Variants in OSBPL10 observed in about 807,000 individuals in gnomAD.
OSBPL10 encodes the protein oxysterol binding protein like 10.
OSBPL10 carries 49 observed loss-of-function variants against 81.7 expected under a neutral mutation model. The observed-to-expected ratio is 0.60, with a 90% CI of 0.48 to 0.76. OSBPL10 has a LOEUF of 0.76. OSBPL10 is among the 30% of genes least tolerant of loss of function. OSBPL10 has a pLI of 0.00. For missense variants in OSBPL10, 923 were observed against 987.8 expected, an observed-to-expected ratio of 0.93 and a Z score of 0.88; for synonymous variants, 419 against 383.6, an observed-to-expected ratio of 1.09 and a Z score of -1.08.
intron 4 of OSBPL10, among the ~76,000 whole-genome samples, chr3:31,826,465 A>C (rs1700102534): frequency 1.3e-5 from 2 of 152,290 alleles, no homozygotes; most frequent in South Asian, 4.2e-4. Flanking sequence ...ATAACCATTT[A>C]ATCTTTCAAA....
At chr3:31,731,883 A>G (rs1452026216) in intron 6 of OSBPL10, among the ~76,000 whole-genome samples, 1 of 152,198 alleles carries the variant, frequency 6.6e-6, no homozygotes, top group Admixed American at 6.5e-5. Context: ...TGTGTAAAAA[A>G]CAACAGACCT....
At chr3:31,701,545 A>C (rs1201641793) in intron 7 of OSBPL10, 1 of 152,200 alleles carries the variant, frequency 6.6e-6, no homozygotes, top group Admixed American at 6.5e-5. Flanking sequence ...CGTGCCAGGA[A>C]GGCTCCCAAC....
intron 1 of OSBPL10, among the ~76,000 whole-genome samples, chr3:31,925,203 G>T (rs1320634011): frequency 1.3e-5 from 2 of 152,068 alleles, no homozygotes; most frequent in Non-Finnish European, 2.9e-5. Context: ...CATTTTCTCT[G>T]TCTCTCTCTT....
At chr3:31,705,140 C>A (rs1435497259) in intron 6 of OSBPL10, among the ~76,000 whole-genome samples, 1 of 152,192 alleles carries the variant, frequency 6.6e-6, no homozygotes, top group African/African-American at 2.4e-5. Context: ...TGGCACAAAT[C>A]CTGAGCAAGC....
chr3:31,731,186 G>A (rs1363757493), intron 6 of OSBPL10, among the ~76,000 whole-genome samples: 3 of 152,106 alleles, frequency 2.0e-5, no homozygotes. Flanking sequence ...TAGCTGTTTG[G>A]GTTTTGAGAA....
intron 4 of OSBPL10, among the ~76,000 whole-genome samples, chr3:31,764,949 C>T (rs1477064205): frequency 6.6e-6 from 1 of 152,178 alleles, no homozygotes; most frequent in East Asian, 1.9e-4. Flanking sequence ...AGCCTTCCAT[C>T]ATCCTCCCAA....
chr3:31,873,889 CA>C (rs1701389774), intron 3 of OSBPL10, among the ~76,000 whole-genome samples: 3 of 152,164 alleles, frequency 2.0e-5, no homozygotes, highest in Admixed American at 2.0e-4. Flanking sequence ...AAGGTCTGTT[CA>C]CAGTGTTAAA....
intron 1 of OSBPL10, among the ~76,000 whole-genome samples, chr3:31,910,990 C>T (rs575289545): frequency 6.6e-6 from 1 of 152,258 alleles, no homozygotes; most frequent in East Asian, 1.9e-4. Flanking sequence ...TGGGCTGTTG[C>T]TTTGATTCTT....
At chr3:31,723,566 ACACACC>A (rs1350688958) in intron 6 of OSBPL10, among the ~76,000 whole-genome samples, 2 of 151,746 alleles carry the variant, frequency 1.3e-5, no homozygotes, top group African/African-American at 4.9e-5. Flanking sequence ...ACACACACAC[ACACACC>A]CCTTTCCCTC....
intron 1 of OSBPL10, among the ~76,000 whole-genome samples, chr3:31,912,803 G>A (rs1368692854): frequency 6.6e-6 from 1 of 152,154 alleles, no homozygotes; most frequent in Non-Finnish European, 1.5e-5. Flanking sequence ...CAGGCATGAT[G>A]GATGGAGCTC....
chr3:31,860,869 G>T (rs867374115), intron 3 of OSBPL10, among the ~76,000 whole-genome samples: 5 of 128,906 alleles, frequency 3.9e-5, no homozygotes, highest in African/African-American at 4.3e-5. Flanking sequence ...TTTTTTTTTT[G>T]GGTTTTTTTT....
chr3:32,070,587 C>T (rs1699821918), intron 1 of OSBPL10, among the ~76,000 whole-genome samples: 1 of 152,198 alleles, frequency 6.6e-6, no homozygotes, highest in African/African-American at 2.4e-5. Flanking sequence ...CTACAACAGG[C>T]TTTAAGGGGA....
At chr3:31,697,522 AAAG>A (rs551790576) in intron 7 of OSBPL10, among the ~76,000 whole-genome samples, 112 of 152,364 alleles carry the variant, frequency 7.4e-4, no homozygotes, top group African/African-American at 2.5e-3. Context: ...GCCAGAAATA[AAAG>A]AATAAAACAA....
At chr3:31,947,452 T>C (rs1443339884) in intron 1 of OSBPL10, among the ~76,000 whole-genome samples, 2 of 152,210 alleles carry the variant, frequency 1.3e-5, no homozygotes, top group Non-Finnish European at 2.9e-5. Context: ...CTTTGTCCTC[T>C]GCCTGCCTAT....
rs145097507 is a variant in OSBPL10 at position 31,740,857 on chromosome 3, T to TTATATATATA, written c.940+7043_940+7052dup. On this transcript the variant is annotated intron_variant, in intron 5 of 11. Coordinates refer to ENST00000396556, the MANE Select transcript of OSBPL10 (RefSeq NM_017784.5). ...AACTTAATATGACCACTACTAGAAT[T>TTATATATATA]TATATATATATGTCATATTTCTTCC... Among the ~76,000 whole-genome samples the TTATATATATA allele has an allele frequency of 2.1e-3, 286 of 136,390 alleles. 7 individuals carry two copies. The highest frequency in any genetic ancestry group is 8.4e-3 in the South Asian group (39 of 4,644). The allele number at this position is 136,390 out of a possible 152,430, so 89.5% of individuals were successfully genotyped here.
chr3:31,796,993 ATTTTTTT>A (rs71097443), intron 4 of OSBPL10, among the ~76,000 whole-genome samples: 1 of 123,610 alleles, frequency 8.1e-6, no homozygotes, highest in Non-Finnish European at 1.6e-5. Flanking sequence ...ATTTTTATTA[ATTTTTTT>A]TTTTTTTTTT....
chr3:31,900,903 C>T (rs1696216157), intron 1 of OSBPL10, among the ~76,000 whole-genome samples: 1 of 152,098 alleles, frequency 6.6e-6, no homozygotes, highest in Admixed American at 6.5e-5. Context: ...AGATAGTCTT[C>T]ATTATAATAA....
chr3:31,672,365 G>GC (rs1559408266), intron 8 of OSBPL10, among the ~76,000 whole-genome samples: 1 of 122,406 alleles, frequency 8.2e-6, no homozygotes, highest in East Asian at 2.8e-4. Flanking sequence ...CGGGGGCGGG[G>GC]GGGGGGGCAG....
intron 2 of OSBPL10, among the ~76,000 whole-genome samples, chr3:31,997,683 C>T (rs550144139): frequency 2.0e-5 from 3 of 152,034 alleles, no homozygotes; most frequent in Non-Finnish European, 4.4e-5. Flanking sequence ...CAAATTTCAT[C>T]AAGCGAACAT....
Sources: gnomAD v4.1 joint callset for allele counts (sites outside exome capture counted in the v4.1 genomes callset) on GRCh38, gnomAD v4.1.1 for gene constraint, MANE v1.5 for transcripts, NCBI Gene and HGNC (gene_info 2026-07-23, HGNC 2026-07-21) for gene names.